The following SDK1 variants were observed in gnomAD, a reference collection of about 807,000 sequenced individuals.
SDK1 encodes the protein protein sidekick-1.
Under a neutral mutation model 245.5 loss-of-function variants are expected in SDK1, and 157 were observed. The ratio of observed to expected loss-of-function variants is 0.64; its 90% CI spans 0.56 to 0.73. The LOEUF (loss-of-function observed/expected upper bound fraction) is 0.73. Among genes scored for constraint, SDK1 ranks in the 30% least tolerant of loss-of-function variants. The probability of loss-of-function intolerance (pLI) is 0.00; values close to 1 mark genes in which losing one functional copy is unlikely to be tolerated. For synonymous variants in SDK1, 1,647 were observed against 1,278.5 expected, an observed-to-expected ratio of 1.29 and a Z score of -6.15; for missense variants, 3,583 against 3,002.3, an observed-to-expected ratio of 1.19 and a Z score of -4.52.
intron 5 of SDK1, among the ~76,000 whole-genome samples, chr7:3,949,506 C>T (rs977393638): frequency 6.6e-6 from 1 of 152,202 alleles, no homozygotes; most frequent in African/African-American, 2.4e-5. Context: ...TCCTCCGCTG[C>T]CGCTCACGAT....
Position 4,261,715 on chromosome 7 carries a change from G to T in SDK1, c.6382-3409G>T, listed in dbSNP as rs142189919. Among the ~76,000 whole-genome samples, 811 of 152,280 alleles carry T rather than the reference G, an allele frequency of 5.3e-3. 12 individuals are homozygous for T. Among genetic ancestry groups the T allele is most frequent in the Non-Finnish European group, 6.5e-3 (443 of 68,022 alleles). ...GATCCTCAGATGGCATTTCAAGGCC[G>T]CTCACTCTTTTACCCCCTCCCCAGT... On this transcript the variant is annotated intron_variant, in intron 44 of 44. Transcript: ENST00000404826.
At chr7:3,859,407 AC>A (rs780829882) in intron 5 of SDK1, among the ~76,000 whole-genome samples, 2 of 152,130 alleles carry the variant, frequency 1.3e-5, no homozygotes, top group African/African-American at 2.4e-5. Context: ...AACTTCAGTA[AC>A]AGAAAACCTC....
intron 30 of SDK1, among the ~76,000 whole-genome samples, chr7:4,150,039 G>A (rs903014584): frequency 7.9e-5 from 12 of 152,162 alleles, no homozygotes; most frequent in Non-Finnish European, 1.3e-4. Flanking sequence ...GGGTTGCATT[G>A]ACAATAGCAG....
At chr7:3,545,013 G>T (rs1237738803) in intron 1 of SDK1, among the ~76,000 whole-genome samples, 1 of 152,110 alleles carries the variant, frequency 6.6e-6, no homozygotes, top group East Asian at 1.9e-4. Flanking sequence ...TCTGCAGCAG[G>T]TGACCATCAC....
chr7:3,810,330 C>G (rs2115046371), intron 4 of SDK1, among the ~76,000 whole-genome samples: 1 of 152,144 alleles, frequency 6.6e-6, no homozygotes, highest in Admixed American at 6.5e-5. Flanking sequence ...TTGTTTAAAT[C>G]ATGTTTCTTT....
At chr7:3,815,590 C>G (rs1040303029) in intron 4 of SDK1, among the ~76,000 whole-genome samples, 8 of 148,496 alleles carry the variant, frequency 5.4e-5, no homozygotes, top group African/African-American at 2.0e-4. Context: ...TTGGTTGTGT[C>G]TCTGCCCGGC....
rs987645728 is a variant in SDK1, at chr7:4,241,793, G to A, written c.6131G>A (p.Gly2044Glu). 4 of 1,614,144 alleles carry A rather than the reference G, an allele frequency of 2.5e-6. No individual in the cohort carries two copies. Among genetic ancestry groups the A allele is most frequent in the Non-Finnish European group, 3.4e-6 (4 of 1,180,044 alleles). ...QNKKYKNCST[G>E]KGISTMEESV... Reference sequence around the variant, plus strand: ...TTCTCACTCTCCTGCTGGGCTTTAGGAAAGGGGATCTCCACCATGGAGGAG... The same window carrying A: ...TTCTCACTCTCCTGCTGGGCTTTAGAAAAGGGGATCTCCACCATGGAGGAG... Residue 2044 changes from glycine (G) to glutamate (E), a missense_variant and splice_region_variant, in exon 43 of 45, where the codon GGA becomes GAA. Gly to Glu is a moderately conservative substitution (Grantham distance 98). Coordinates refer to ENST00000404826, the MANE Select transcript of SDK1 (RefSeq NM_152744.4).
rs555928946 is a variant in SDK1 at position 3,871,204 on chromosome 7, C to T, written c.847+49621C>T. Among the ~76,000 whole-genome samples the T allele has an allele frequency of 1.9e-4, 29 of 150,378 alleles. No homozygotes were observed. In the South Asian group the frequency reaches 5.9e-3, roughly 30 times the overall value. ...GGTAGTTTTGGGTTTTTTAATCTTT[C>T]CCCCAAATTCCCATTGTTCATTGCT... On this transcript the variant is annotated intron_variant, in intron 5 of 44. Coordinates refer to ENST00000404826, the MANE Select transcript of SDK1 (RefSeq NM_152744.4).
chr7:3,445,036 G>A (rs1456194586), intron 1 of SDK1, among the ~76,000 whole-genome samples: 1 of 152,116 alleles, frequency 6.6e-6, no homozygotes, highest in African/African-American at 2.4e-5. Flanking sequence ...AGGATACTTA[G>A]TATAAATTTT....
intron 17 of SDK1, among the ~76,000 whole-genome samples, chr7:4,017,998 A>G (rs1023528618): frequency 5.3e-5 from 8 of 152,076 alleles, no homozygotes; most frequent in Non-Finnish European, 1.2e-4. Flanking sequence ...AAAGATTCAG[A>G]TCTCAGCCCC....
intron 35 of SDK1, among the ~76,000 whole-genome samples, chr7:4,204,605 G>A (rs1784087487): frequency 1.3e-5 from 2 of 152,200 alleles, no homozygotes. Context: ...GCCGGGTGCT[G>A]GGCCATCTCC....
At position 4,010,131 on chromosome 7, in the gene SDK1, C is replaced by T. The variant is rs543523387; in HGVS notation, c.2132-835C>T. The stretch of plus-strand genomic sequence containing the variant: ...AAGAATTTCCCCCACCCAGGTTTTA[C>T]TTCGCTAGTAACTTGAAAATTCAGT... On this transcript the variant is annotated intron_variant, in intron 14 of 44. Coordinates refer to ENST00000404826, the MANE Select transcript of SDK1 (RefSeq NM_152744.4). 1.5e-3 allele frequency among the ~76,000 whole-genome samples: 221 copies of T among 152,358 alleles called. 1 individual carries two copies. Among genetic ancestry groups the T allele is most frequent in the African/African-American group, 5.1e-3 (213 of 41,586 alleles).
intron 1 of SDK1, among the ~76,000 whole-genome samples, chr7:3,334,345 C>A (rs907349020): frequency 6.6e-6 from 1 of 152,216 alleles, no homozygotes; most frequent in African/African-American, 2.4e-5. Context: ...CTTTCATTCT[C>A]ATTAGATGGT....
chr7:3,531,524 T>C (rs944184176), intron 1 of SDK1, among the ~76,000 whole-genome samples: 18 of 152,228 alleles, frequency 1.2e-4, no homozygotes, highest in African/African-American at 4.3e-4. Context: ...CAGTAGAGAA[T>C]GTAGTTTGGT....
In SDK1 at chr7:3,743,955, T is replaced by C. The variant is rs925816711; in HGVS notation, c.714-77495T>C. On this transcript the variant is annotated intron_variant, in intron 4 of 44. Coordinates refer to ENST00000404826, the MANE Select transcript of SDK1 (RefSeq NM_152744.4). Reference sequence around the variant, plus strand: ...GCTGGAAGAATTTCCTGTGGCGTTATTATCCTGTGTAATTAATAAGACACT... The same window carrying C: ...GCTGGAAGAATTTCCTGTGGCGTTACTATCCTGTGTAATTAATAAGACACT... 5.3e-5 allele frequency among the ~76,000 whole-genome samples: 8 copies of C among 152,176 alleles called. 1 individual carries two copies. Among genetic ancestry groups the C allele is most frequent in the Admixed American group, 3.3e-4 (5 of 15,280 alleles).
Position 3,755,956 on chromosome 7 carries a change from C to G in SDK1, c.714-65494C>G, listed in dbSNP as rs142706644. ...CATGTATATCGTTTTAACTCTGACT[C>G]CTTTCACATGGCATAGCACGTGTGA... On this transcript the variant is annotated intron_variant, in intron 4 of 44. Coordinates refer to ENST00000404826, the MANE Select transcript of SDK1 (RefSeq NM_152744.4). 1.8e-3 allele frequency among the ~76,000 whole-genome samples: 281 copies of G among 152,020 alleles called. 2 individuals carry two copies. Among genetic ancestry groups the G allele is most frequent in the African/African-American group, 6.1e-3 (251 of 41,460 alleles).
Position 4,265,131 on chromosome 7 carries a change from A to G in SDK1, c.6389A>G (p.Asp2130Gly). The change falls in exon 45 of 45, where the codon GAC (aspartate) becomes GGC (glycine). Residue 2130 changes from aspartate to glycine, a missense_variant. Coordinates refer to ENST00000404826, the MANE Select transcript of SDK1 (RefSeq NM_152744.4). ...SADASESEAT[D>G]SDYEDALPKH... ...CTCTCCCGCTCCCCGCAGGCCACGG[A>G]CTCTGACTACGAGGACGCGCTGCCC... 1 of 1,611,540 alleles carries G rather than the reference A, an allele frequency of 6.2e-7. No homozygotes were observed. Among genetic ancestry groups the G allele is most frequent in the Non-Finnish European group, 8.5e-7 (1 of 1,179,526 alleles).
rs186918652 is a variant in SDK1, at chr7:4,142,619, G to A, written c.4229-3103G>A. ...TGAGATTACAGCCATGAGCCACTGT[G>A]CCCTGCTAAAGTTTTGTATTTTTAG... On this transcript the variant is annotated intron_variant, in intron 28 of 44. Transcript: ENST00000404826. Among the ~76,000 whole-genome samples, 134 of 152,248 alleles carry A rather than the reference G, an allele frequency of 8.8e-4. 1 individual carries two copies. The Middle Eastern group carries it at 0.031, about 35-fold the overall frequency.
intron 17 of SDK1, 102 bp downstream of exon 17, chr7:4,017,454 G>C (rs576029580): frequency 1.1e-5 from 11 of 1,004,996 alleles, no homozygotes; most frequent in Non-Finnish European, 1.6e-5. Context: ...AGAGAATCCA[G>C]TCCCCTAGGG....
Sources: allele counts gnomAD v4.1 joint callset (sites outside exome capture counted in the v4.1 genomes callset), GRCh38; gene constraint gnomAD v4.1.1; transcripts MANE v1.5; gene names NCBI Gene and HGNC (gene_info 2026-07-23, HGNC 2026-07-21).